The following PALM2AKAP2 variants were observed in gnomAD, a reference collection of about 807,000 sequenced individuals.
The protein encoded by PALM2AKAP2 is PALM2 and AKAP2 fusion.
In PALM2AKAP2, 37 loss-of-function variants were observed where a neutral mutation model predicts 71.5. That is an observed-to-expected ratio of 0.52 (90% CI 0.40 to 0.68). The LOEUF is 0.68. PALM2AKAP2 is among the 30% of genes least tolerant of loss of function. PALM2AKAP2 has a pLI of 0.00. For missense variants in PALM2AKAP2, 1,224 were observed against 1,191.8 expected (o/e 1.03, Z -0.40); for synonymous variants, 468 against 478.8 (o/e 0.98, Z 0.29).
At chr9:110,052,620 C>T (rs78969175) in intron 1 of PALM2AKAP2, among the ~76,000 whole-genome samples, 2 of 152,158 alleles carry the variant, frequency 1.3e-5, no homozygotes, top group East Asian at 3.8e-4. Flanking sequence ...AAATGGGGTA[C>T]TTCAAGTAAC....
intron 1 of PALM2AKAP2, among the ~76,000 whole-genome samples, chr9:110,118,208 T>TAC (rs112722146): frequency 0.49 from 72,562 of 148,946 alleles, 18,504 homozygotes; most frequent in African/African-American, 0.64. Context: ...TACAGAAATA[T>TAC]ACACACACAC....
Position 109,765,474 on chromosome 9 carries a change from G to GATCATC in PALM2AKAP2, c.6-14976_6-14971dup, listed in dbSNP as rs55668686. ...TCACCATCATCATGATCATGATCAT[G>GATCATC]ATCATCATCATCATCATCATCATCA... On this transcript the variant is annotated intron_variant, in intron 1 of 6. Coordinates refer to the PALM2AKAP2 transcript ENST00000374531. The GATCATC allele has an allele frequency of 6.7e-4, 64 of 95,118 alleles. 2 individuals are homozygous for GATCATC. The South Asian group carries it at 0.013, about 20-fold the overall frequency. The allele number at this position is 95,118 out of a possible 1,614,324, so 5.9% of individuals were successfully genotyped here. A position where few individuals can be genotyped will look rare whatever the true frequency, so the allele number is the denominator to read the frequency against.
At chr9:109,737,741 A>C (rs1368981632) in intron 1 of PALM2AKAP2, among the ~76,000 whole-genome samples, 1 of 152,238 alleles carries the variant, frequency 6.6e-6, no homozygotes, top group Non-Finnish European at 1.5e-5. Flanking sequence ...ATTGTTTAGC[A>C]AATATGTAAG....
intron 1 of PALM2AKAP2, among the ~76,000 whole-genome samples, chr9:110,116,409 T>C (rs1835364450): frequency 1.3e-5 from 2 of 151,968 alleles, no homozygotes; most frequent in African/African-American, 4.8e-5. Flanking sequence ...TGCGTGTGCG[T>C]GTGCGCGTGC....
intron 3 of PALM2AKAP2, among the ~76,000 whole-genome samples, chr9:110,165,323 C>T (rs1271666751): frequency 7.3e-6 from 1 of 136,928 alleles, no homozygotes; most frequent in Non-Finnish European, 1.6e-5. Context: ...CACACACACA[C>T]ACACACGTCT....
At chr9:109,878,070 C>T (rs1829758247) in intron 2 of PALM2AKAP2, among the ~76,000 whole-genome samples, 1 of 152,138 alleles carries the variant, frequency 6.6e-6, no homozygotes, top group East Asian at 1.9e-4. Context: ...AACAATGGTT[C>T]TGAATGTTTT....
At chr9:109,762,856 C>T (rs1001756831) in intron 1 of PALM2AKAP2, among the ~76,000 whole-genome samples, 1 of 152,130 alleles carries the variant, frequency 6.6e-6, no homozygotes, top group African/African-American at 2.4e-5. Context: ...CTTCCCATTC[C>T]CCAGGGGGTG....
chr9:109,644,092 C>T (rs1209300698), intron 1 of PALM2AKAP2, among the ~76,000 whole-genome samples: 2 of 152,154 alleles, frequency 1.3e-5, no homozygotes, highest in African/African-American at 4.8e-5. Context: ...GGATTCACCC[C>T]CAGGACCAAA....
At chr9:109,972,704 G>T (rs113599684) in intron 6 of PALM2AKAP2, among the ~76,000 whole-genome samples, 1 of 152,348 alleles carries the variant, frequency 6.6e-6, no homozygotes, top group Non-Finnish European at 1.5e-5. Flanking sequence ...TGCAGGGAAT[G>T]CCACAAAGAT....
intron 7 of PALM2AKAP2, among the ~76,000 whole-genome samples, chr9:110,037,262 A>G (rs2132443870): frequency 6.6e-6 from 1 of 151,984 alleles, no homozygotes; most frequent in South Asian, 2.1e-4. Context: ...GTGCAATGGC[A>G]CGATCTCAGC....
chr9:109,967,689 C>T (rs996186500), intron 6 of PALM2AKAP2, among the ~76,000 whole-genome samples: 30 of 152,152 alleles, frequency 2.0e-4, no homozygotes, highest in African/African-American at 6.5e-4. Context: ...GGGTTACAGG[C>T]GTGAGCCACC....
At chr9:109,935,921 C>T (rs749166785) in intron 6 of PALM2AKAP2, among the ~76,000 whole-genome samples, 31 of 152,196 alleles carry the variant, frequency 2.0e-4, no homozygotes, top group Non-Finnish European at 4.1e-4. Flanking sequence ...GCTGAAAACT[C>T]TCCTTCTTGA....
chr9:110,045,326 G>A (rs1433598581), upstream of PALM2AKAP2, among the ~76,000 whole-genome samples: 1 of 152,168 alleles, frequency 6.6e-6, no homozygotes, highest in Non-Finnish European at 1.5e-5. Context: ...ATCTAGGAGA[G>A]TAAATATGCT....
chr9:110,058,321 G>A (rs993881665), intron 1 of PALM2AKAP2, among the ~76,000 whole-genome samples: 1 of 152,134 alleles, frequency 6.6e-6, no homozygotes, highest in Non-Finnish European at 1.5e-5. Flanking sequence ...TTTTGAGAGT[G>A]TCAGACTCTC....
intron 1 of PALM2AKAP2, among the ~76,000 whole-genome samples, chr9:109,641,972 C>T (rs568016726): frequency 5.3e-5 from 8 of 152,276 alleles, no homozygotes; most frequent in South Asian, 2.1e-4. Context: ...TCAGGCCCCA[C>T]CTAGCCTGAT....
At chr9:110,156,366 C>T (rs1374743023) in exon 3 of PALM2AKAP2, 1 of 1,610,332 alleles carries the variant, frequency 6.2e-7, no homozygotes, top group African/African-American at 1.3e-5. Context: ...CACTGAAGGC[C>T]CCAGCTTGCA....
In PALM2AKAP2 at chr9:110,037,545, G is replaced by T. The variant is rs531399054; in HGVS notation, c.582+21506G>T. ...TTAATGAGCACCTACTCTATGCCAA[G>T]CTCTAGGCATCTAGAAATTAACAAA... On this transcript the variant is annotated intron_variant, in intron 7 of 9. Transcript: ENST00000302798. 9.2e-5 allele frequency among the ~76,000 whole-genome samples: 14 copies of T among 152,296 alleles called. No homozygotes were observed. In the East Asian group the frequency reaches 2.7e-3, roughly 29 times the overall value.
At chr9:110,014,808 ATATAT>A (rs1832949291) in intron 6 of PALM2AKAP2, among the ~76,000 whole-genome samples, 1 of 4,194 alleles carries the variant, frequency 2.4e-4, no homozygotes, top group African/African-American at 5.2e-4. Flanking sequence ...AAAAAAATGT[ATATAT>A]ATATATATAT....
intron 6 of PALM2AKAP2, among the ~76,000 whole-genome samples, chr9:110,002,680 G>A (rs151311550): frequency 0.018 from 2,747 of 151,930 alleles, 93 homozygotes; most frequent in African/African-American, 0.063. Context: ...TTTGGTTGGT[G>A]AGCTATTAAT....
Sources: allele counts gnomAD v4.1 joint callset (sites outside exome capture counted in the v4.1 genomes callset), GRCh38; gene constraint gnomAD v4.1.1; transcripts MANE v1.5; gene names NCBI Gene and HGNC (gene_info 2026-07-23, HGNC 2026-07-21).